Variants in TMEM117 observed in about 807,000 individuals in gnomAD.
TMEM117 encodes the protein transmembrane protein 117.
Under a neutral mutation model 52.4 loss-of-function variants are expected in TMEM117, and 27 were observed. That is an observed-to-expected ratio of 0.51 (90% CI 0.38 to 0.71). The LOEUF is 0.71. Among genes scored for constraint, TMEM117 ranks in the 30% least tolerant of loss-of-function variants. The probability of loss-of-function intolerance (pLI) is 0.00; values close to 1 mark genes in which losing one functional copy is unlikely to be tolerated. For missense variants in TMEM117, 556 were observed against 630.5 expected (o/e 0.88, Z 1.26); for synonymous variants, 215 against 206.3 (o/e 1.04, Z -0.36).
intron 5 of TMEM117, among the ~76,000 whole-genome samples, chr12:44,231,952 T>A (rs1163898514): frequency 6.6e-6 from 1 of 151,698 alleles, no homozygotes; most frequent in Non-Finnish European, 1.5e-5. Flanking sequence ...CTATCTCCCT[T>A]AACAATTTGA....
At chr12:44,334,711 G>A (rs1458020992) in intron 6 of TMEM117, among the ~76,000 whole-genome samples, 1 of 151,970 alleles carries the variant, frequency 6.6e-6, no homozygotes, top group African/African-American at 2.4e-5. Context: ...ATGTAGGACG[G>A]AATCCTCCAC....
intron 6 of TMEM117, among the ~76,000 whole-genome samples, chr12:44,324,723 GC>G (rs1468231198): frequency 6.6e-6 from 1 of 152,034 alleles, no homozygotes; most frequent in African/African-American, 2.4e-5. Flanking sequence ...TTGCAAACCT[GC>G]TTTTTCAGGT....
At chr12:44,354,764 A>G (rs2138790404) in intron 6 of TMEM117, among the ~76,000 whole-genome samples, 1 of 152,146 alleles carries the variant, frequency 6.6e-6, no homozygotes, top group African/African-American at 2.4e-5. Context: ...GGCACAAGAC[A>G]GGGATGTCCT....
intron 6 of TMEM117, among the ~76,000 whole-genome samples, chr12:44,322,755 C>G (rs548104746): frequency 6.6e-6 from 1 of 152,212 alleles, no homozygotes; most frequent in African/African-American, 2.4e-5. Flanking sequence ...ATATACTGTA[C>G]ACTCACACCA....
chr12:43,947,719 T>C (rs568088916), intron 3 of TMEM117, among the ~76,000 whole-genome samples: 2 of 152,342 alleles, frequency 1.3e-5, no homozygotes, highest in Non-Finnish European at 2.9e-5. Flanking sequence ...TGTCTTTGTT[T>C]ATAGGTCTCT....
At chr12:43,941,770 G>T (rs1461135321) in intron 2 of TMEM117, among the ~76,000 whole-genome samples, 2 of 152,132 alleles carry the variant, frequency 1.3e-5, no homozygotes, top group African/African-American at 2.4e-5. Context: ...CTGCCATTTT[G>T]TTCTAATGAC....
At chr12:44,041,618 C>G (rs1946800180) in intron 3 of TMEM117, among the ~76,000 whole-genome samples, 1 of 152,118 alleles carries the variant, frequency 6.6e-6, no homozygotes, top group Admixed American at 6.5e-5. Flanking sequence ...AATCCTCAGC[C>G]TCCTGTGCCA....
At chr12:43,799,631 A>G in the TMEM117 span, 5 of 522,358 alleles carry the variant, frequency 9.6e-6, no homozygotes, top group Admixed American at 7.6e-5. Flanking sequence ...ATGAATTTTA[A>G]TATCTTTTTA....
intron 3 of TMEM117, among the ~76,000 whole-genome samples, chr12:43,979,668 T>G (rs987718815): frequency 6.6e-6 from 1 of 152,126 alleles, no homozygotes; most frequent in African/African-American, 2.4e-5. Context: ...AAATTAGCGT[T>G]GATAGCCCAT....
At chr12:44,068,903 T>A (rs1325961562) in intron 3 of TMEM117, among the ~76,000 whole-genome samples, 1 of 152,144 alleles carries the variant, frequency 6.6e-6, no homozygotes, top group East Asian at 1.9e-4. Flanking sequence ...ATGCCTGTAT[T>A]TACTTAGTAT....
At chr12:43,861,392 G>A (rs549761799) in intron 2 of TMEM117, among the ~76,000 whole-genome samples, 14 of 152,252 alleles carry the variant, frequency 9.2e-5, no homozygotes, top group Admixed American at 2.0e-4. Context: ...TAGATCAGGC[G>A]CATGAAAATG....
At chr12:44,130,247 T>C (rs979946047) in intron 3 of TMEM117, among the ~76,000 whole-genome samples, 2 of 152,186 alleles carry the variant, frequency 1.3e-5, no homozygotes, top group African/African-American at 4.8e-5. Flanking sequence ...GTGGAGTAAA[T>C]TGTTATAAAA....
chr12:43,958,182 A>T, intron 3 of TMEM117, among the ~76,000 whole-genome samples: 1 of 152,208 alleles, frequency 6.6e-6, no homozygotes, highest in African/African-American at 2.4e-5. Context: ...ATAGATACTT[A>T]TATGCTTGCA....
intron 7 of TMEM117, among the ~76,000 whole-genome samples, chr12:44,386,558 A>G (rs560710530): frequency 6.6e-6 from 1 of 152,232 alleles, no homozygotes; most frequent in East Asian, 1.9e-4. Context: ...GCACCTTCTC[A>G]TGCAAATAAA....
At chr12:44,052,422 C>T in intron 3 of TMEM117, among the ~76,000 whole-genome samples, 1 of 152,170 alleles carries the variant, frequency 6.6e-6, no homozygotes, top group Non-Finnish European at 1.5e-5. Flanking sequence ...GGGTAAGGAA[C>T]AGGAGAAGTC....
At chr12:43,862,777 C>T (rs1190119542) in intron 2 of TMEM117, among the ~76,000 whole-genome samples, 2 of 152,220 alleles carry the variant, frequency 1.3e-5, no homozygotes, top group Middle Eastern at 6.8e-3. Flanking sequence ...AAGTGAAAAT[C>T]TGGAAGAAGT....
chr12:44,093,699 T>C (rs1947711154), intron 3 of TMEM117, among the ~76,000 whole-genome samples: 1 of 150,340 alleles, frequency 6.7e-6, no homozygotes. Flanking sequence ...TTTTAAGAAA[T>C]ATTTACTCAT....
intron 2 of TMEM117, among the ~76,000 whole-genome samples, chr12:43,903,757 G>A (rs1375191329): frequency 6.6e-6 from 1 of 152,072 alleles, no homozygotes; most frequent in Non-Finnish European, 1.5e-5. Flanking sequence ...ATCTTGCAGT[G>A]CAGCTCAGCC....
intron 6 of TMEM117, among the ~76,000 whole-genome samples, chr12:44,370,738 G>A (rs915216249): frequency 2.6e-5 from 4 of 152,066 alleles, no homozygotes; most frequent in Non-Finnish European, 4.4e-5. Flanking sequence ...GGGTGGTCTC[G>A]AACTCCTGAA....
Sources: gnomAD v4.1 joint callset for allele counts (sites outside exome capture counted in the v4.1 genomes callset) on GRCh38, gnomAD v4.1.1 for gene constraint, MANE v1.5 for transcripts, NCBI Gene and HGNC (gene_info 2026-07-23, HGNC 2026-07-21) for gene names.